The following NCALD variants were observed in gnomAD, a reference collection of about 807,000 sequenced individuals.
NCALD encodes neurocalcin-delta.
Under a neutral mutation model 18.6 loss-of-function variants are expected in NCALD, and 10 were observed. That is an observed-to-expected ratio of 0.54 (90% CI 0.33 to 0.91). The LOEUF (loss-of-function observed/expected upper bound fraction) is 0.91, where lower values mean the gene tolerates loss of function less well. NCALD is among the 40% of genes least tolerant of loss of function. The pLI is 0.03. For missense variants in NCALD, 184 were observed against 247.6 expected (o/e 0.74, Z 1.72); for synonymous variants, 88 against 87.4 (o/e 1.01, Z -0.04).
chr8:101,926,116 G>A (rs929816866), intron 2 of NCALD, among the ~76,000 whole-genome samples: 2 of 152,154 alleles, frequency 1.3e-5, no homozygotes, highest in Non-Finnish European at 2.9e-5. Flanking sequence ...ACTGCAGTCT[G>A]TCTGATTCTC....
intron 4 of NCALD, among the ~76,000 whole-genome samples, chr8:101,876,628 C>G (rs1051476710): frequency 6.6e-6 from 1 of 152,198 alleles, no homozygotes; most frequent in Non-Finnish European, 1.5e-5. Context: ...CCCACTCTGC[C>G]AAGCCACAGA....
intron 2 of NCALD, among the ~76,000 whole-genome samples, chr8:101,934,372 T>G (rs533538932): frequency 1.3e-5 from 2 of 152,000 alleles, no homozygotes; most frequent in Middle Eastern, 6.8e-3. Context: ...GTACACGAAA[T>G]AGCACAAAGT....
At chr8:102,082,151 TGAGA>T (rs1182520170) in intron 1 of NCALD, among the ~76,000 whole-genome samples, 1 of 151,634 alleles carries the variant, frequency 6.6e-6, no homozygotes, top group African/African-American at 2.4e-5. Context: ...GTATTTGTCC[TGAGA>T]GACTTTCTTT....
At chr8:101,895,049 A>G (rs1817100172) in intron 3 of NCALD, among the ~76,000 whole-genome samples, 2 of 150,300 alleles carry the variant, frequency 1.3e-5, no homozygotes, top group Non-Finnish European at 2.9e-5. Flanking sequence ...AGCCGGGCAG[A>G]GACACAACCA....
chr8:102,072,085 T>A lies in NCALD; in HGVS notation c.-209-51796A>T, dbSNP rs1390669773. On this transcript the variant is annotated intron_variant, in intron 1 of 6. Transcript: ENST00000311028. ...CAGACTTCAAGACCTACTATAAAAC[T>A]ATAGTTGTTAAGACAATGGGCAAAA... Among the ~76,000 whole-genome samples, 5 of 152,312 alleles carry A rather than the reference T, an allele frequency of 3.3e-5. No individual in the cohort carries two copies. The East Asian group carries it at 9.6e-4, about 29-fold the overall frequency.
intron 2 of NCALD, among the ~76,000 whole-genome samples, chr8:101,934,372 T>C (rs533538932): frequency 9.2e-5 from 14 of 152,000 alleles, no homozygotes; most frequent in Non-Finnish European, 1.8e-4. Context: ...GTACACGAAA[T>C]AGCACAAAGT....
intron 1 of NCALD, among the ~76,000 whole-genome samples, chr8:102,067,059 A>C (rs534199680): frequency 1.3e-5 from 2 of 152,256 alleles, no homozygotes; most frequent in Non-Finnish European, 2.9e-5. Context: ...GACTGAAAGA[A>C]ATCTTTCAGA....
intron 1 of NCALD, among the ~76,000 whole-genome samples, chr8:101,744,972 G>T (rs1027376950): frequency 4.2e-5 from 6 of 143,094 alleles, no homozygotes; most frequent in African/African-American, 1.5e-4. Context: ...TGCCTTTGTA[G>T]GAATCAAAGC....
intron 4 of NCALD, among the ~76,000 whole-genome samples, chr8:101,845,045 T>C (rs2131305671): frequency 6.6e-6 from 1 of 152,312 alleles, no homozygotes; most frequent in Middle Eastern, 3.4e-3. Flanking sequence ...GACAGAAGGA[T>C]GCTTAAAGTG....
intron 2 of NCALD, among the ~76,000 whole-genome samples, chr8:101,926,785 A>G (rs1298283851): frequency 1.3e-5 from 2 of 152,180 alleles, no homozygotes; most frequent in Non-Finnish European, 2.9e-5. Flanking sequence ...GGTTAGGGTT[A>G]GGGATAAGGA....
chr8:101,946,264 T>C (rs1237360335), intron 2 of NCALD, among the ~76,000 whole-genome samples: 1 of 152,198 alleles, frequency 6.6e-6, no homozygotes, highest in Non-Finnish European at 1.5e-5. Context: ...ATTGAACTCC[T>C]GTTATGTGCC....
intron 4 of NCALD, among the ~76,000 whole-genome samples, chr8:101,816,614 G>T (rs1233117162): frequency 2.0e-5 from 3 of 152,156 alleles, no homozygotes; most frequent in African/African-American, 4.8e-5. Flanking sequence ...AATTAAATTT[G>T]TATGTTTTTC....
intron 1 of NCALD, among the ~76,000 whole-genome samples, chr8:102,058,998 C>T (rs1229797107): frequency 6.6e-6 from 1 of 152,112 alleles, no homozygotes; most frequent in Non-Finnish European, 1.5e-5. Context: ...GGGATTTTCC[C>T]CTAAAGTCTC....
intron 2 of NCALD, among the ~76,000 whole-genome samples, chr8:101,920,536 A>T (rs187262412): frequency 1.3e-5 from 2 of 152,348 alleles, no homozygotes; most frequent in Admixed American, 1.3e-4. Context: ...ACCATAGAAT[A>T]CTATGCAGTC....
At chr8:101,916,177 G>A (rs1586749138) in intron 2 of NCALD, among the ~76,000 whole-genome samples, 1 of 152,086 alleles carries the variant, frequency 6.6e-6, no homozygotes, top group East Asian at 1.9e-4. Context: ...TCAAGAATGT[G>A]GGCCTTCATT....
intron 1 of NCALD, among the ~76,000 whole-genome samples, chr8:102,087,767 G>C (rs971689994): frequency 2.0e-5 from 3 of 152,120 alleles, no homozygotes; most frequent in African/African-American, 7.2e-5. Flanking sequence ...GAGGAAACTT[G>C]AGAGCTGATG....
intron 1 of NCALD, among the ~76,000 whole-genome samples, chr8:101,743,468 G>A (rs1440035930): frequency 5.9e-5 from 9 of 152,188 alleles, no homozygotes; most frequent in Admixed American, 1.3e-4. Flanking sequence ...TATGAGATTG[G>A]GTTAAGGAGC....
chr8:101,705,369 C>CA (rs1198122265), intron 2 of NCALD, among the ~76,000 whole-genome samples: 1 of 152,100 alleles, frequency 6.6e-6, no homozygotes, highest in South Asian at 2.1e-4. Flanking sequence ...ACTCTGGCAT[C>CA]AGTGGGGAAA....
In NCALD at chr8:101,786,351, T is replaced by G. The variant is rs118089817; in HGVS notation, c.-20+4511A>C. On this transcript the variant is annotated intron_variant, in intron 1 of 3. Transcript: ENST00000220931. ...GATCCCATCAGGGGAGGACCTCACA[T>G]GCCTACTATAATACTGTGAATGCAG... 9.3e-3 allele frequency among the ~76,000 whole-genome samples: 1,418 copies of G among 152,316 alleles called. 10 individuals are homozygous for G. Among genetic ancestry groups the G allele is most frequent in the Middle Eastern group, 0.014 (4 of 294 alleles).
Sources: allele counts gnomAD v4.1 joint callset (sites outside exome capture counted in the v4.1 genomes callset), GRCh38; gene constraint gnomAD v4.1.1; transcripts MANE v1.5; gene names NCBI Gene and HGNC (gene_info 2026-07-23, HGNC 2026-07-21).